The following PDHX variants were observed in gnomAD, a reference collection of about 807,000 sequenced individuals.
PDHX encodes the protein pyruvate dehydrogenase complex component X, also known as pyruvate dehydrogenase protein X component, mitochondrial.
A neutral mutation model predicts 55.3 loss-of-function variants in PDHX; 33 were observed. That is an observed-to-expected ratio of 0.60 (90% CI 0.45 to 0.80). PDHX has a LOEUF of 0.80. Among genes scored for constraint, PDHX ranks in the 30% least tolerant of loss-of-function variants. The pLI, the probability that PDHX is intolerant of heterozygous loss-of-function variation, is 0.00. For synonymous variants in PDHX, 226 were observed against 219.4 expected (o/e 1.03, Z -0.27); for missense variants, 622 against 619.9 (o/e 1.00, Z -0.04).
intron 3 of PDHX, among the ~76,000 whole-genome samples, chr11:34,951,705 A>G (rs1362625549): frequency 3.3e-5 from 5 of 151,978 alleles, no homozygotes; most frequent in South Asian, 2.1e-4. Context: ...GTTTAATTAG[A>G]TCCCATTTGT....
At chr11:34,937,381 G>A (rs535096501) in intron 2 of PDHX, among the ~76,000 whole-genome samples, 1 of 151,814 alleles carries the variant, frequency 6.6e-6, no homozygotes, top group African/African-American at 2.4e-5. Context: ...ATCTGGAGTG[G>A]TGAATGGGAG....
At chr11:34,987,949 A>G (rs928141452) in intron 9 of PDHX, among the ~76,000 whole-genome samples, 12 of 152,318 alleles carry the variant, frequency 7.9e-5, no homozygotes, top group African/African-American at 2.9e-4. Context: ...TCCCCCAAAA[A>G]GGGTAGACAG....
intron 9 of PDHX, among the ~76,000 whole-genome samples, chr11:34,985,287 G>T (rs932134695): frequency 6.6e-6 from 1 of 151,934 alleles, no homozygotes; most frequent in African/African-American, 2.4e-5. Flanking sequence ...CTAAAAATAC[G>T]AAAATTAGCT....
chr11:34,993,738 C>T (rs1855804260), intron 10 of PDHX, among the ~76,000 whole-genome samples: 1 of 152,042 alleles, frequency 6.6e-6, no homozygotes, highest in Non-Finnish European at 1.5e-5. Context: ...TTCGTATTTC[C>T]AAATAAATTG....
Position 34,923,852 on chromosome 11 carries a change from A to G in PDHX, c.160+7037A>G, listed in dbSNP as rs563450543. On this transcript the variant is annotated intron_variant, in intron 1 of 10. Coordinates refer to ENST00000227868, the MANE Select transcript of PDHX (RefSeq NM_003477.3). ...AGCTTTGGAAGTGAATAGTATGAGC[A>G]CTGAAGGTAAAACATTTGCCAGTGA... 4.6e-5 allele frequency among the ~76,000 whole-genome samples: 7 copies of G among 152,370 alleles called. No individual in the cohort carries two copies. In the South Asian group the frequency reaches 1.0e-3, roughly 23 times the overall value.
chr11:34,916,481 C>T (rs1003040156), upstream of PDHX: 1 of 1,449,042 alleles, frequency 6.9e-7, no homozygotes, highest in Admixed American at 2.5e-5. Context: ...CCTGACTTCC[C>T]GGGAGGCAAG....
At chr11:34,974,189 CT>C (rs529363580) in intron 7 of PDHX, among the ~76,000 whole-genome samples, 86 of 152,332 alleles carry the variant, frequency 5.6e-4, no homozygotes, top group African/African-American at 2.0e-3. Context: ...CCCACCACCC[CT>C]GACAATCACC....
chr11:34,971,504 A>G (rs1201282120), intron 7 of PDHX, among the ~76,000 whole-genome samples: 1 of 152,178 alleles, frequency 6.6e-6, no homozygotes, highest in Non-Finnish European at 1.5e-5. Flanking sequence ...ACATGAATAG[A>G]TGTTGAATTT....
rs1855837460 is a variant in PDHX at position 34,995,261 on chromosome 11, T to C, written c.*89T>C. 5.0e-6 allele frequency: 7 copies of C among 1,395,556 alleles called. No homozygotes were observed. The East Asian group carries it at 1.6e-4, about 32-fold the overall frequency. The allele number at this position is 1,395,556 out of a possible 1,614,324, so 86.4% of individuals were successfully genotyped here. A position where few individuals can be genotyped will look rare whatever the true frequency, so the allele number is the denominator to read the frequency against. On this transcript the variant is annotated 3_prime_UTR_variant, in exon 11 of 11. Coordinates refer to ENST00000227868, the MANE Select transcript of PDHX (RefSeq NM_003477.3). ...TGTTATAGGAAAACAACTTGGTATTTAAGTATGAAGTGGATGAAATGTTTA... is the reference window on the plus strand; with the variant it reads ...TGTTATAGGAAAACAACTTGGTATTCAAGTATGAAGTGGATGAAATGTTTA...
Position 34,957,570 on chromosome 11 carries a change from C to G in PDHX, c.529C>G (p.Pro177Ala). Reference sequence around the variant, plus strand: ...CATCCCTGTCAAGAAGGAACACATACCCGGGACACTACGGTGAGTATATAT... The same window carrying G: ...CATCCCTGTCAAGAAGGAACACATAGCCGGGACACTACGGTGAGTATATAT... ...ISIPVKKEHI[P>A]GTLRFRLSPA... The change falls in exon 4 of 11, where the codon CCC (proline) becomes GCC (alanine). Residue 177 changes from proline to alanine, a missense_variant. Coordinates refer to ENST00000227868, the MANE Select transcript of PDHX (RefSeq NM_003477.3). 1 of 1,612,762 alleles carries G rather than the reference C, an allele frequency of 6.2e-7. No individual in the cohort carries two copies. The highest frequency in any genetic ancestry group is 8.5e-7 in the Non-Finnish European group (1 of 1,178,926).
At chr11:34,964,883 C>A (rs571322942) in intron 5 of PDHX, among the ~76,000 whole-genome samples, 2 of 152,102 alleles carry the variant, frequency 1.3e-5, no homozygotes, top group East Asian at 3.9e-4. Context: ...TTACATATTA[C>A]TAAATATGCT....
intron 2 of PDHX, among the ~76,000 whole-genome samples, chr11:34,944,010 C>T (rs2956087): frequency 0.37 from 56,091 of 150,720 alleles, 10,843 homozygotes; most frequent in East Asian, 0.74. Context: ...TTACTGTCCA[C>T]TGCTGTATCC....
chr11:34,923,911 G>A (rs1853957614), intron 1 of PDHX, among the ~76,000 whole-genome samples: 1 of 152,188 alleles, frequency 6.6e-6, no homozygotes, highest in East Asian at 1.9e-4. Context: ...AGTATGAAAT[G>A]TAGTTAGAAT....
intron 2 of PDHX, among the ~76,000 whole-genome samples, chr11:34,946,436 T>C (rs1396569845): frequency 6.6e-6 from 1 of 152,232 alleles, no homozygotes; most frequent in Non-Finnish European, 1.5e-5. Flanking sequence ...ATTTTGTGGC[T>C]TGCTTTCTTA....
intron 3 of PDHX, among the ~76,000 whole-genome samples, chr11:34,948,068 T>C (rs1854666421): frequency 6.6e-6 from 1 of 152,194 alleles, no homozygotes; most frequent in Admixed American, 6.5e-5. Flanking sequence ...AGTTATTAGT[T>C]ACGTAATGAT....
intron 1 of PDHX, among the ~76,000 whole-genome samples, chr11:34,925,708 G>T (rs1854002194): frequency 6.6e-6 from 1 of 152,144 alleles, no homozygotes; most frequent in Non-Finnish European, 1.5e-5. Context: ...ATGTGTACAA[G>T]CTGGGCAGGT....
chr11:34,972,580 C>G (rs1044469454), intron 7 of PDHX, among the ~76,000 whole-genome samples: 4 of 151,760 alleles, frequency 2.6e-5, no homozygotes, highest in African/African-American at 9.7e-5. Flanking sequence ...TGTATTTTTA[C>G]TAGAGACGGT....
In PDHX at chr11:34,984,973, A is replaced by G. The variant is rs10488807; in HGVS notation, c.1182+245A>G. Reference sequence around the variant, plus strand: ...TAATATATAAACAAATTAGGGAACAACTTCATGCTAAAGACAAGCTTTATT... The same window carrying G: ...TAATATATAAACAAATTAGGGAACAGCTTCATGCTAAAGACAAGCTTTATT... On this transcript the variant is annotated intron_variant, in intron 9 of 10. Transcript: ENST00000227868. 0.022 allele frequency: 9,086 copies of G among 414,934 alleles called. 660 individuals are homozygous for G. The highest frequency in any genetic ancestry group is 0.16 in the African/African-American group (8,013 of 49,316). 25.7% of individuals were successfully genotyped at this position (414,934 alleles called of 1,614,324 possible). A position where few individuals can be genotyped will look rare whatever the true frequency, so the allele number is the denominator to read the frequency against.
chr11:34,976,047 A>G (rs901274335), intron 7 of PDHX, among the ~76,000 whole-genome samples: 2 of 152,318 alleles, frequency 1.3e-5, no homozygotes, highest in East Asian at 1.9e-4. Context: ...TAGTCATGAT[A>G]TAGAGGTTAA....
Sources: gnomAD v4.1 joint callset for allele counts (sites outside exome capture counted in the v4.1 genomes callset) on GRCh38, gnomAD v4.1.1 for gene constraint, MANE v1.5 for transcripts, NCBI Gene and HGNC (gene_info 2026-07-23, HGNC 2026-07-21) for gene names.